FAM210A: variants seen among roughly 807,000 people sequenced by gnomAD.
FAM210A encodes family with sequence similarity 210 member A.
A neutral mutation model predicts 25.3 loss-of-function variants in FAM210A; 13 were observed. That is an observed-to-expected ratio of 0.51 (90% CI 0.33 to 0.82). The LOEUF (loss-of-function observed/expected upper bound fraction) is 0.82, where lower values mean the gene tolerates loss of function less well. FAM210A is among the 40% of genes least tolerant of loss of function. The pLI is 0.02. For synonymous variants in FAM210A, 125 were observed against 118.7 expected (o/e 1.05, Z -0.35); for missense variants, 319 against 323.2 (o/e 0.99, Z 0.10).
intron 1 of FAM210A, among the ~76,000 whole-genome samples, chr18:13,709,035 C>T (rs1264822559): frequency 1.3e-5 from 2 of 152,164 alleles, no homozygotes; most frequent in Non-Finnish European, 2.9e-5. Context: ...GATAGTACAT[C>T]ATCATATCTC....
chr18:13,707,553 G>C (rs2043788417), intron 1 of FAM210A, among the ~76,000 whole-genome samples: 1 of 152,202 alleles, frequency 6.6e-6, no homozygotes, highest in South Asian at 2.1e-4. Context: ...GATGGTAATA[G>C]TGACATCAAG....
At chr18:13,684,954 T>A (rs1568480659) in intron 1 of FAM210A, among the ~76,000 whole-genome samples, 1 of 151,628 alleles carries the variant, frequency 6.6e-6, no homozygotes, top group East Asian at 1.9e-4. Flanking sequence ...AACATACTTC[T>A]AAAAAAAAAT....
intron 1 of FAM210A, among the ~76,000 whole-genome samples, chr18:13,690,812 C>A (rs144059857): frequency 0.014 from 2,172 of 152,224 alleles, 48 homozygotes; most frequent in African/African-American, 0.049. Flanking sequence ...GAAACCAGAG[C>A]AGAAAAGCTG....
chr18:13,679,754 A>T (rs2043535008), intron 2 of FAM210A, among the ~76,000 whole-genome samples: 2 of 152,176 alleles, frequency 1.3e-5, no homozygotes. Flanking sequence ...TTTACATATA[A>T]GCATTCTGCA....
rs1426221605 is a variant in FAM210A at position 13,707,177 on chromosome 18, TG to T, written c.-29+19151del. Among the ~76,000 whole-genome samples, 4 of 152,262 alleles carry T rather than the reference TG, an allele frequency of 2.6e-5. No homozygotes were observed. The East Asian group carries it at 5.8e-4, about 22-fold the overall frequency. Reference sequence around the variant, plus strand: ...TGCTGAATCTCGAAACCCAAAATAATGGTAACTGAGAGTGGCACTAAGGCCC... The same window carrying T: ...TGCTGAATCTCGAAACCCAAAATAATGTAACTGAGAGTGGCACTAAGGCCC... On this transcript the variant is annotated intron_variant, in intron 1 of 3. Transcript: ENST00000651643.
intron 2 of FAM210A, among the ~76,000 whole-genome samples, chr18:13,677,381 C>G (rs117893938): frequency 0.018 from 2,710 of 152,208 alleles, 31 homozygotes; most frequent in Middle Eastern, 0.061. Flanking sequence ...GCCCCTGTCC[C>G]GCTTAAGGGC....
chr18:13,666,889 T>C (rs756917452), intron 3 of FAM210A, among the ~76,000 whole-genome samples, 176 bp from the exon 4 acceptor site: 39 of 152,222 alleles, frequency 2.6e-4, no homozygotes, highest in Non-Finnish European at 4.4e-4. Context: ...AAGAGATATT[T>C]CTTCTGTAAA....
At chr18:13,701,878 A>G (rs975639343) in intron 1 of FAM210A, among the ~76,000 whole-genome samples, 1 of 152,192 alleles carries the variant, frequency 6.6e-6, no homozygotes, top group African/African-American at 2.4e-5. Flanking sequence ...TAAAGGATGG[A>G]ACTGGGTTAG....
At chr18:13,689,714 A>G (rs1313635882) in intron 1 of FAM210A, among the ~76,000 whole-genome samples, 1 of 152,244 alleles carries the variant, frequency 6.6e-6, no homozygotes, top group Non-Finnish European at 1.5e-5. Flanking sequence ...AGGAAGATGT[A>G]AAACTTTTTA....
At chr18:13,673,205 CTTTA>C (rs2043458191) in intron 2 of FAM210A, among the ~76,000 whole-genome samples, 3 of 147,376 alleles carry the variant, frequency 2.0e-5, no homozygotes, top group African/African-American at 7.8e-5. Flanking sequence ...GCCCCGACTT[CTTTA>C]TTTCCAGTTT....
At position 13,666,451 on chromosome 18, in the gene FAM210A, G is replaced by A. The variant is rs768238962; in HGVS notation, c.*29C>T. On this transcript the variant is annotated 3_prime_UTR_variant, in exon 4 of 4. Transcript: ENST00000651643. ...TAGTTTCCAAAGGGTTAAAGTGCAG[G>A]AATTTTCTATACTGCTATATAAGGC... The A allele has an allele frequency of 1.9e-6, 3 of 1,569,982 alleles. No individual in the cohort carries two copies. Among genetic ancestry groups the A allele is most frequent in the East Asian group, 4.5e-5 (2 of 44,622 alleles).
At position 13,701,916 on chromosome 18, in the gene FAM210A, T is replaced by C. The variant is rs530990576; in HGVS notation, c.-28-19811A>G. On this transcript the variant is annotated intron_variant, in intron 1 of 3. Coordinates refer to ENST00000651643, the MANE Select transcript of FAM210A (RefSeq NM_152352.4). Reference sequence around the variant, plus strand: ...GCCCTCCTGTCAGTAAAGTCTCTCTTGGATAAAAAATGGGTTAAAGATGAC... The same window carrying C: ...GCCCTCCTGTCAGTAAAGTCTCTCTCGGATAAAAAATGGGTTAAAGATGAC... Among the ~76,000 whole-genome samples the C allele has an allele frequency of 6.6e-5, 10 of 152,282 alleles. No individual in the cohort carries two copies. In the South Asian group the frequency reaches 1.5e-3, roughly 22 times the overall value.
At chr18:13,694,146 T>C (rs2043673353) in intron 1 of FAM210A, among the ~76,000 whole-genome samples, 1 of 152,056 alleles carries the variant, frequency 6.6e-6, no homozygotes. Context: ...GAGAATAAAA[T>C]ACCTAGGAAT....
intron 1 of FAM210A, among the ~76,000 whole-genome samples, chr18:13,699,408 TC>T (rs2043721066): frequency 6.6e-6 from 1 of 152,154 alleles, no homozygotes; most frequent in African/African-American, 2.4e-5. Context: ...CCTAGTGAAT[TC>T]CTATGGAAGT....
chr18:13,722,309 A>G (rs1941749), intron 1 of FAM210A, among the ~76,000 whole-genome samples: 51,531 of 150,496 alleles, frequency 0.34, 10,784 homozygotes, highest in East Asian at 0.83. Context: ...CCTAGATCCA[A>G]CCATCCCTGC....
rs2043391450 is a variant in FAM210A, at chr18:13,665,381, C to CACAAAAAAAAAAAAA, written c.*1098_*1099insTTTTTTTTTTTTTGT. ...GGAGAGAGAGAGGGAGGCTCCGTCTCAAAAAAAAAAAAAAAAAAAAAAAAA... is the reference window on the plus strand; with the variant it reads ...GGAGAGAGAGAGGGAGGCTCCGTCTCACAAAAAAAAAAAAAAAAAAAAAAAAAAAAAAAAAAAAAA... On this transcript the variant is annotated 3_prime_UTR_variant, in exon 4 of 4. Coordinates refer to ENST00000651643, the MANE Select transcript of FAM210A (RefSeq NM_152352.4). 1.6e-5 allele frequency: 1 copy of CACAAAAAAAAAAAAA among 63,704 alleles called. No individual in the cohort carries two copies. The highest frequency in any genetic ancestry group is 3.2e-5 in the Non-Finnish European group (1 of 31,302). 3.9% of individuals were successfully genotyped at this position (63,704 alleles called of 1,614,324 possible). A position where few individuals can be genotyped will look rare whatever the true frequency, so the allele number is the denominator to read the frequency against.
rs1248887009 is a variant in FAM210A at position 13,681,653 on chromosome 18, A to G, written c.425T>C (p.Leu142Pro). The change falls in exon 2 of 4, where the codon CTA (leucine) becomes CCA (proline). Residue 142 changes from leucine to proline, a missense_variant. Transcript: ENST00000651643. The part of the protein sequence containing the change: ...QYGKVLIPVH[L>P]ITSGVWFGTF... ...TCCAAACCAAACACCAGAAGTTATT[A>G]GATGCACTGGAATCAGAACTTTTCC... 1 of 1,612,782 alleles carries G rather than the reference A, an allele frequency of 6.2e-7. No individual in the cohort carries two copies. Among genetic ancestry groups the G allele is most frequent in the South Asian group, 1.1e-5 (1 of 90,604 alleles).
intron 2 of FAM210A, among the ~76,000 whole-genome samples, chr18:13,679,440 C>T (rs1461357505): frequency 6.6e-6 from 1 of 152,048 alleles, no homozygotes; most frequent in Non-Finnish European, 1.5e-5. Context: ...ATTCGAATTC[C>T]TTTTTCTTTC....
intron 1 of FAM210A, among the ~76,000 whole-genome samples, chr18:13,712,171 A>G (rs1214525277): frequency 6.6e-6 from 1 of 152,236 alleles, no homozygotes; most frequent in Non-Finnish European, 1.5e-5. Flanking sequence ...AACAGGTTCA[A>G]TATGTTTAAG....
Sources: gnomAD v4.1 joint callset for allele counts (sites outside exome capture counted in the v4.1 genomes callset) on GRCh38, gnomAD v4.1.1 for gene constraint, MANE v1.5 for transcripts, NCBI Gene and HGNC (gene_info 2026-07-23, HGNC 2026-07-21) for gene names.